PDE8B: variants seen among roughly 807,000 people sequenced by gnomAD.
PDE8B encodes the protein high affinity cAMP-specific and IBMX-insensitive 3',5'-cyclic phosphodiesterase 8B.
Under a neutral mutation model 101.3 loss-of-function variants are expected in PDE8B, and 26 were observed. That is an observed-to-expected ratio of 0.26 (90% CI 0.19 to 0.36). The LOEUF is 0.36. Among genes scored for constraint, PDE8B ranks in the 10% least tolerant of loss-of-function variants. The pLI is 1.00. For synonymous variants in PDE8B, 424 were observed against 429.3 expected (o/e 0.99, Z 0.15); for missense variants, 810 against 1,163.1 (o/e 0.70, Z 4.42).
At chr5:77,233,798 G>GTT (rs560799213) in intron 1 of PDE8B, among the ~76,000 whole-genome samples, 2 of 139,028 alleles carry the variant, frequency 1.4e-5, no homozygotes, top group Admixed American at 7.2e-5. Flanking sequence ...GTATGTTTGA[G>GTT]TTTTTTTTTT....
At chr5:77,340,987 T>C (rs1779117140) in intron 6 of PDE8B, among the ~76,000 whole-genome samples, 1 of 152,238 alleles carries the variant, frequency 6.6e-6, no homozygotes. Flanking sequence ...CTTGTGTTTC[T>C]TTTTTCTAGT....
At position 77,279,413 on chromosome 5, in the gene PDE8B, G is replaced by T. The variant is rs1232934092; in HGVS notation, c.340-32581G>T. ...ATGCTACTGTAGTTCCCAGCTTCCA[G>T]TTGTCATCTGTGTGGTGATGCCATA... is the stretch of plus-strand genomic sequence containing the variant. On this transcript the variant is annotated intron_variant, in intron 1 of 21. Transcript: ENST00000264917. Among the ~76,000 whole-genome samples, 3 of 152,164 alleles carry T rather than the reference G, an allele frequency of 2.0e-5. No homozygotes were observed. The East Asian group carries it at 5.8e-4, about 29-fold the overall frequency.
chr5:77,157,294 T>C, the PDE8B span, among the ~76,000 whole-genome samples: 55 of 152,302 alleles, frequency 3.6e-4, no homozygotes, highest in African/African-American at 1.3e-3. Flanking sequence ...TAAAAAGATA[T>C]TTGCTAGGTT....
intron 7 of PDE8B, among the ~76,000 whole-genome samples, chr5:77,345,759 T>C (rs1474626126): frequency 6.6e-6 from 1 of 152,206 alleles, no homozygotes; most frequent in African/African-American, 2.4e-5. Flanking sequence ...CACGAATTGG[T>C]GCTTGCCTGC....
intron 1 of PDE8B, among the ~76,000 whole-genome samples, chr5:77,263,541 T>C (rs1465769468): frequency 6.6e-6 from 1 of 152,140 alleles, no homozygotes; most frequent in Non-Finnish European, 1.5e-5. Flanking sequence ...CAGGAACCCA[T>C]CCTCCTGTTT....
At chr5:77,132,062 T>G in the PDE8B span, among the ~76,000 whole-genome samples, 3 of 152,156 alleles carry the variant, frequency 2.0e-5, no homozygotes, top group African/African-American at 7.2e-5. Flanking sequence ...GCAAAAATAT[T>G]TATTCAATAA....
chr5:77,225,848 G>GCACACA (rs3087185), intron 1 of PDE8B, among the ~76,000 whole-genome samples: 2,603 of 144,312 alleles, frequency 0.018, 49 homozygotes, highest in East Asian at 0.048. Flanking sequence ...ACATGCGCGT[G>GCACACA]CACACACACA....
At chr5:77,302,462 C>T (rs1341234697) in intron 1 of PDE8B, among the ~76,000 whole-genome samples, 1 of 152,106 alleles carries the variant, frequency 6.6e-6, no homozygotes, top group Non-Finnish European at 1.5e-5. Context: ...GACGGTACTG[C>T]CTCCTTCTTT....
At chr5:77,380,392 G>T (rs530691886) in intron 10 of PDE8B, among the ~76,000 whole-genome samples, 1 of 152,312 alleles carries the variant, frequency 6.6e-6, no homozygotes, top group East Asian at 1.9e-4. Flanking sequence ...GGACAAAGGT[G>T]CATTTAGATA....
intron 2 of PDE8B, among the ~76,000 whole-genome samples, chr5:77,314,684 G>C (rs1773410085): frequency 6.6e-6 from 1 of 152,038 alleles, no homozygotes; most frequent in Non-Finnish European, 1.5e-5. Context: ...GCCCAGTCTA[G>C]ATGCTTTTTT....
chr5:77,120,672 G>C, the PDE8B span, among the ~76,000 whole-genome samples: 1 of 152,186 alleles, frequency 6.6e-6, no homozygotes, highest in Non-Finnish European at 1.5e-5. Context: ...CTGTATGCTT[G>C]AACATTTTTA....
chr5:77,302,884 GC>G (rs1770294939), intron 1 of PDE8B, among the ~76,000 whole-genome samples: 3 of 152,106 alleles, frequency 2.0e-5, no homozygotes, highest in Admixed American at 2.0e-4. Context: ...GAATTCATCA[GC>G]CCCTTTTGTC....
At chr5:77,109,076 T>G in the PDE8B span, among the ~76,000 whole-genome samples, 10,255 of 152,218 alleles carry the variant, frequency 0.067, 549 homozygotes, top group Non-Finnish European at 0.093. Context: ...CTATTTTGAG[T>G]TTTGTTCTGA....
intron 19 of PDE8B, 25 bp from the exon 20 acceptor site, chr5:77,421,796 C>A (rs765065167): frequency 6.2e-7 from 1 of 1,612,390 alleles, no homozygotes; most frequent in Non-Finnish European, 8.5e-7. Context: ...TTGAACCAAG[C>A]CTGATCTGAC....
upstream of PDE8B, among the ~76,000 whole-genome samples, chr5:77,206,176 A>T (rs1051954562): frequency 2.0e-5 from 3 of 152,214 alleles, no homozygotes; most frequent in African/African-American, 7.2e-5. Flanking sequence ...TCATAAATTC[A>T]ACAAATATTT....
chr5:77,214,105 G>A (rs1211773095), intron 1 of PDE8B: 1 of 152,180 alleles, frequency 6.6e-6, no homozygotes, highest in African/African-American at 2.4e-5. Context: ...CCTGCAGGAT[G>A]TTCACTCTTG....
chr5:77,392,450 A>T (rs1052337045), intron 10 of PDE8B, among the ~76,000 whole-genome samples: 1 of 152,210 alleles, frequency 6.6e-6, no homozygotes, highest in African/African-American at 2.4e-5. Context: ...CCCAGGGCTT[A>T]TATACCATAC....
chr5:77,136,906 G>A, the PDE8B span, among the ~76,000 whole-genome samples: 1 of 152,106 alleles, frequency 6.6e-6, no homozygotes, highest in Admixed American at 6.5e-5. Flanking sequence ...TATGGGTGAG[G>A]ACTATATGTT....
At chr5:77,144,368 AAGTTTTC>A in the PDE8B span, 1 of 110,914 alleles carries the variant, frequency 9.0e-6, no homozygotes, top group African/African-American at 7.3e-5. Flanking sequence ...GCTGTTTTCA[AAGTTTTC>A]AAAGATTTGA....
Sources: allele counts gnomAD v4.1 joint callset (sites outside exome capture counted in the v4.1 genomes callset), GRCh38; gene constraint gnomAD v4.1.1; transcripts MANE v1.5; gene names NCBI Gene and HGNC (gene_info 2026-07-23, HGNC 2026-07-21).